PXK: variants seen among roughly 807,000 people sequenced by gnomAD.
PXK encodes PX domain-containing protein kinase-like protein.
A neutral mutation model predicts 84.7 loss-of-function variants in PXK; 35 were observed. The ratio of observed to expected loss-of-function variants is 0.41; its 90% CI spans 0.32 to 0.55. The LOEUF (loss-of-function observed/expected upper bound fraction) is 0.55, where lower values mean the gene tolerates loss of function less well. Among genes scored for constraint, PXK ranks in the 20% least tolerant of loss-of-function variants. PXK has a pLI of 0.21. For synonymous variants in PXK, 253 were observed against 260.8 expected, an observed-to-expected ratio of 0.97 and a Z score of 0.29; for missense variants, 634 against 699.7, an observed-to-expected ratio of 0.91 and a Z score of 1.06.
chr3:58,371,819 T>C (rs780359134), intron 3 of PXK, among the ~76,000 whole-genome samples: 5 of 152,190 alleles, frequency 3.3e-5, no homozygotes, highest in Admixed American at 6.6e-5. Context: ...CAGAATATGG[T>C]CAGACATCAT....
intron 1 of PXK, among the ~76,000 whole-genome samples, chr3:58,338,399 G>C (rs1389172839): frequency 6.6e-6 from 1 of 151,824 alleles, no homozygotes; most frequent in Non-Finnish European, 1.5e-5. Context: ...GAGGCGGGTG[G>C]ATCACCTGAG....
chr3:58,336,076 T>A (rs1287875930), intron 1 of PXK, among the ~76,000 whole-genome samples: 511 of 83,590 alleles, frequency 6.1e-3, no homozygotes, highest in African/African-American at 0.013. Context: ...TATATATTTT[T>A]TTTTTTTTTT....
At position 58,408,914 on chromosome 3, in the gene PXK, C is replaced by G. The variant is rs1196641033; in HGVS notation, c.1231-10C>G. On this transcript the variant is annotated splice_polypyrimidine_tract_variant and intron_variant, in intron 13 of 17. Coordinates refer to ENST00000356151, the MANE Select transcript of PXK (RefSeq NM_017771.5). ...TTTTCAATAGATGATGTACTTTTCT[C>G]TCCTTTCAGATCCCTACAAAGTTAA... 1 of 1,551,928 alleles carries G rather than the reference C, an allele frequency of 6.4e-7. No homozygotes were observed. Among genetic ancestry groups the G allele is most frequent in the Non-Finnish European group, 8.9e-7 (1 of 1,123,966 alleles).
At chr3:58,405,552 G>A (rs1014746175) in intron 13 of PXK, among the ~76,000 whole-genome samples, 8 of 151,986 alleles carry the variant, frequency 5.3e-5, no homozygotes, top group Admixed American at 1.3e-4. Context: ...AGTGGCAGGT[G>A]CCTGTAATCC....
chr3:58,361,105 G>C (rs1016098730), intron 1 of PXK, among the ~76,000 whole-genome samples: 2 of 151,360 alleles, frequency 1.3e-5, no homozygotes, highest in Admixed American at 1.3e-4. Flanking sequence ...GAGACCAGCC[G>C]GGCCAAGGTG....
rs970413077 is a variant in PXK at position 58,397,491 on chromosome 3, T to C, written c.985-114T>C. ...TTTGGAGTTGCATTTACGTTACCAATTAGGAACGGGGCTATCCCTGGGCTT... is the reference window on the plus strand; with the variant it reads ...TTTGGAGTTGCATTTACGTTACCAACTAGGAACGGGGCTATCCCTGGGCTT... On this transcript the variant is annotated intron_variant, in intron 10 of 17. Transcript: ENST00000356151. This position sits in a 1 kb window ranked among gnomAD's most constrained non-coding sequence, Gnocchi z 4.7. 2 of 941,722 alleles carry C rather than the reference T, an allele frequency of 2.1e-6. No homozygotes were observed. The highest frequency in any genetic ancestry group is 3.4e-6 in the Non-Finnish European group (2 of 587,898). 58.3% of individuals were successfully genotyped at this position (941,722 alleles called of 1,614,324 possible).
chr3:58,358,245 A>G (rs767590191), intron 1 of PXK, among the ~76,000 whole-genome samples: 2 of 152,208 alleles, frequency 1.3e-5, no homozygotes, highest in Non-Finnish European at 2.9e-5. Flanking sequence ...ACCACAGCAT[A>G]TTCTTCGTGT....
rs188023170 is a variant in PXK, at chr3:58,392,507, G to C, written c.615+660G>C. Among the ~76,000 whole-genome samples, 159 of 152,244 alleles carry C rather than the reference G, an allele frequency of 1.0e-3. 2 individuals carry two copies. Among genetic ancestry groups the C allele is most frequent in the Admixed American group, 9.3e-3 (142 of 15,300 alleles). The stretch of plus-strand genomic sequence containing the variant: ...ACTGAACACAATTACACTGACTTGT[G>C]CACTTGGTTTGGCAAGTTTATTTTT... On this transcript the variant is annotated intron_variant, in intron 7 of 17. Coordinates refer to ENST00000356151, the MANE Select transcript of PXK (RefSeq NM_017771.5).
chr3:58,343,397 C>T (rs1332328764), intron 1 of PXK, among the ~76,000 whole-genome samples: 1 of 152,238 alleles, frequency 6.6e-6, no homozygotes, highest in Non-Finnish European at 1.5e-5. Context: ...ATGCTGTAGG[C>T]ATCTATGCAT....
At chr3:58,357,679 T>C (rs1480801788) in intron 1 of PXK, among the ~76,000 whole-genome samples, 1 of 152,228 alleles carries the variant, frequency 6.6e-6, no homozygotes, top group African/African-American at 2.4e-5. Context: ...GCGTTGTGGC[T>C]GACACCTATA....
intron 1 of PXK, among the ~76,000 whole-genome samples, chr3:58,338,265 G>A (rs548374648): frequency 6.0e-5 from 9 of 150,862 alleles, no homozygotes; most frequent in Non-Finnish European, 1.2e-4. Context: ...CCTTTAACCC[G>A]GGAGGTGGAG....
At chr3:58,380,933 G>T (rs931156958) in intron 3 of PXK, among the ~76,000 whole-genome samples, 2 of 152,110 alleles carry the variant, frequency 1.3e-5, no homozygotes, top group Non-Finnish European at 2.9e-5. Flanking sequence ...TCAAAAAAAT[G>T]TATCTCCTGC....
chr3:58,406,929 G>A (rs574808901), intron 13 of PXK, among the ~76,000 whole-genome samples: 1 of 152,150 alleles, frequency 6.6e-6, no homozygotes, highest in Non-Finnish European at 1.5e-5. Context: ...TCCATTGTAT[G>A]TATATGCCAC....
intron 13 of PXK, among the ~76,000 whole-genome samples, chr3:58,404,921 G>A (rs1328575176): frequency 6.9e-6 from 1 of 144,408 alleles, no homozygotes; most frequent in Non-Finnish European, 1.5e-5. Flanking sequence ...TGGATCTGAA[G>A]TAGGAGAGAA....
At chr3:58,404,972 T>C (rs2059162938) in intron 13 of PXK, among the ~76,000 whole-genome samples, 1 of 152,200 alleles carries the variant, frequency 6.6e-6, no homozygotes, top group Non-Finnish European at 1.5e-5. Flanking sequence ...TGAAGCATCT[T>C]AGCAAATTTC....
chr3:58,403,984 CA>C, intron 13 of PXK, 74 bp downstream of exon 13: 11 of 1,089,678 alleles, frequency 1.0e-5, no homozygotes, highest in South Asian at 7.3e-5. Flanking sequence ...TATTTTTAGC[CA>C]AAAAAAGAAA....
chr3:58,337,094 G>A (rs1380850367), intron 1 of PXK, among the ~76,000 whole-genome samples: 1 of 151,968 alleles, frequency 6.6e-6, no homozygotes, highest in Non-Finnish European at 1.5e-5. Context: ...ACAGGTTTGA[G>A]CCACCATGCC....
At chr3:58,422,001 G>C in intron 17 of PXK, 6 of 985,416 alleles carry the variant, frequency 6.1e-6, no homozygotes, top group Non-Finnish European at 7.2e-6. Context: ...GAGGGGTGGA[G>C]AGCGCGCAGG....
chr3:58,410,060 C>T (rs2059969292), intron 15 of PXK, 30 bp from the exon 16 acceptor site: 3 of 1,427,324 alleles, frequency 2.1e-6, no homozygotes, highest in South Asian at 1.1e-5. Flanking sequence ...TTTCCTCTCC[C>T]TCCCTCCCCC....
Sources: gnomAD v4.1 joint callset for allele counts (sites outside exome capture counted in the v4.1 genomes callset) on GRCh38, gnomAD v4.1.1 for gene constraint, Gnocchi (gnomAD v3.1) non-coding constraint, MANE v1.5 for transcripts, NCBI Gene and HGNC (gene_info 2026-07-23, HGNC 2026-07-21) for gene names.